PLCB1: variants seen among roughly 807,000 people sequenced by gnomAD.
PLCB1 encodes the protein 1-phosphatidylinositol 4,5-bisphosphate phosphodiesterase beta-1.
PLCB1 carries 46 observed loss-of-function variants against 161.8 expected under a neutral mutation model. That is an observed-to-expected ratio of 0.28 (90% CI 0.22 to 0.36). PLCB1 has a LOEUF of 0.36. PLCB1 is among the 10% of genes least tolerant of loss of function. The pLI, the probability that PLCB1 is intolerant of heterozygous loss-of-function variation, is 1.00. For synonymous variants in PLCB1, 517 were observed against 503.7 expected (o/e 1.03, Z -0.35); for missense variants, 1,016 against 1,472.5 (o/e 0.69, Z 5.07).
At chr20:8,283,433 A>T (rs1470501084) in intron 2 of PLCB1, among the ~76,000 whole-genome samples, 10 of 151,796 alleles carry the variant, frequency 6.6e-5, no homozygotes. Context: ...TATTTTTAAA[A>T]AGAATTATAC....
chr20:8,653,628 A>T (rs1003709802), intron 7 of PLCB1: 4 of 152,056 alleles, frequency 2.6e-5, no homozygotes, highest in African/African-American at 9.7e-5. Flanking sequence ...GCTTCAGTGA[A>T]TTAATATATT....
At chr20:8,695,266 C>T (rs1403676718) in intron 10 of PLCB1, among the ~76,000 whole-genome samples, 1 of 152,208 alleles carries the variant, frequency 6.6e-6, no homozygotes, top group Non-Finnish European at 1.5e-5. Flanking sequence ...AGTATTATGA[C>T]ATGCATATAA....
intron 2 of PLCB1, among the ~76,000 whole-genome samples, chr20:8,218,862 G>A (rs994273219): frequency 6.6e-6 from 1 of 152,030 alleles, no homozygotes; most frequent in Non-Finnish European, 1.5e-5. Context: ...TGCAAAAAAG[G>A]CATTTTAAAA....
chr20:8,679,233 G>A (rs1023225976), intron 9 of PLCB1, among the ~76,000 whole-genome samples: 2 of 152,200 alleles, frequency 1.3e-5, no homozygotes, highest in Non-Finnish European at 2.9e-5. Context: ...TGAAACAAGA[G>A]AGTCAACCCA....
chr20:8,578,469 G>A (rs1986741462), intron 3 of PLCB1, among the ~76,000 whole-genome samples: 2 of 152,212 alleles, frequency 1.3e-5, no homozygotes, highest in African/African-American at 2.4e-5. Flanking sequence ...TGAGTGTTGA[G>A]TGACCACAAG....
At chr20:8,841,997 A>G (rs559482647) in intron 31 of PLCB1, among the ~76,000 whole-genome samples, 3 of 152,312 alleles carry the variant, frequency 2.0e-5, no homozygotes, top group East Asian at 1.9e-4. Flanking sequence ...CCCAACCCCT[A>G]TTATAGTTGG....
chr20:8,684,127 GC>G (rs1990293748), intron 9 of PLCB1, among the ~76,000 whole-genome samples: 1 of 151,924 alleles, frequency 6.6e-6, no homozygotes, highest in East Asian at 1.9e-4. Flanking sequence ...CTTGTGATCT[GC>G]CCACCTTGGC....
chr20:8,774,773 A>G (rs988225713), intron 27 of PLCB1, 54 bp downstream of exon 27: 1 of 1,465,528 alleles, frequency 6.8e-7, no homozygotes, highest in African/African-American at 1.4e-5. Context: ...CCTTATAGGA[A>G]ACTTTGGATA....
chr20:8,445,396 A>G (rs893010218), intron 3 of PLCB1, among the ~76,000 whole-genome samples: 1 of 151,894 alleles, frequency 6.6e-6, no homozygotes, highest in Non-Finnish European at 1.5e-5. Flanking sequence ...GTTCTGTTCC[A>G]TTGGTCTATA....
intron 2 of PLCB1, among the ~76,000 whole-genome samples, chr20:8,351,703 G>A (rs968804081): frequency 2.7e-5 from 4 of 148,422 alleles, no homozygotes; most frequent in Non-Finnish European, 4.6e-5. Context: ...TCTCACCAAA[G>A]AAAACATACA....
intron 3 of PLCB1, among the ~76,000 whole-genome samples, chr20:8,529,829 T>G (rs146984468): frequency 6.6e-5 from 10 of 152,128 alleles, no homozygotes; most frequent in Non-Finnish European, 1.5e-4. Context: ...TTCTTGTCAT[T>G]GCCCCCAAGT....
At chr20:8,661,090 A>G (rs1045220503) in intron 9 of PLCB1, among the ~76,000 whole-genome samples, 5 of 152,122 alleles carry the variant, frequency 3.3e-5, no homozygotes, top group Admixed American at 1.3e-4. Flanking sequence ...ACTCTTCTCA[A>G]TGTTTTGAAG....
intron 2 of PLCB1, among the ~76,000 whole-genome samples, chr20:8,292,123 T>C (rs910628954): frequency 6.6e-6 from 1 of 152,124 alleles, no homozygotes; most frequent in Non-Finnish European, 1.5e-5. Context: ...CCCTCTGTGG[T>C]AATTCTAAGG....
intron 3 of PLCB1, among the ~76,000 whole-genome samples, chr20:8,411,701 C>A (rs1979050868): frequency 6.6e-6 from 1 of 152,092 alleles, no homozygotes; most frequent in South Asian, 2.1e-4. Flanking sequence ...CAAACAGAGG[C>A]ATTTTCCTGC....
chr20:8,172,186 A>C (rs558266286), intron 2 of PLCB1, among the ~76,000 whole-genome samples: 1 of 152,200 alleles, frequency 6.6e-6, no homozygotes, highest in Non-Finnish European at 1.5e-5. Context: ...ATAATATACA[A>C]CTACCTAAAT....
chr20:8,281,863 T>G (rs1293994636), intron 2 of PLCB1, among the ~76,000 whole-genome samples: 2 of 152,112 alleles, frequency 1.3e-5, no homozygotes, highest in Non-Finnish European at 2.9e-5. Context: ...CTAACTCAAT[T>G]GTAGGGAGGT....
rs1983340896 is a variant in PLCB1 at position 8,500,067 on chromosome 20, A to C, written c.247-128227A>C. 2.6e-5 allele frequency among the ~76,000 whole-genome samples: 4 copies of C among 152,326 alleles called. No homozygotes were observed. The South Asian group carries it at 8.3e-4, about 32-fold the overall frequency. On this transcript the variant is annotated intron_variant, in intron 3 of 31. Transcript: ENST00000338037. ...TTTTTCTGGTTACATAATATAAGAAATTTACTGAAAGATTATAGAAAAGAT... is the reference window on the plus strand; with the variant it reads ...TTTTTCTGGTTACATAATATAAGAACTTTACTGAAAGATTATAGAAAAGAT...
intron 2 of PLCB1, among the ~76,000 whole-genome samples, chr20:8,154,597 A>C (rs6055579): frequency 3.3e-5 from 5 of 152,298 alleles, no homozygotes; most frequent in African/African-American, 1.2e-4. Flanking sequence ...CTTAAGCCCA[A>C]CCAACAGTAA....
intron 1 of PLCB1, among the ~76,000 whole-genome samples, chr20:8,146,596 CTT>C (rs780940181): frequency 6.6e-6 from 1 of 152,160 alleles, no homozygotes; most frequent in Admixed American, 6.5e-5. Context: ...TTATTATTGA[CTT>C]ATATCAGTGC....
Sources: gnomAD v4.1 joint callset for allele counts (sites outside exome capture counted in the v4.1 genomes callset) on GRCh38, gnomAD v4.1.1 for gene constraint, MANE v1.5 for transcripts, NCBI Gene and HGNC (gene_info 2026-07-23, HGNC 2026-07-21) for gene names.